ACTR3C: variants seen among roughly 807,000 people sequenced by gnomAD.
ACTR3C encodes the protein actin-related protein 3C.
A neutral mutation model predicts 26.3 loss-of-function variants in ACTR3C; 18 were observed. The ratio of observed to expected loss-of-function variants is 0.68; its 90% CI spans 0.47 to 1.01. ACTR3C has a LOEUF of 1.01. Ranked by LOEUF, ACTR3C falls within the 50% of genes least tolerant of loss-of-function variation. The pLI, the probability that ACTR3C is intolerant of heterozygous loss-of-function variation, is 0.00. For missense variants in ACTR3C, 184 were observed against 250.7 expected (o/e 0.73, Z 1.80); for synonymous variants, 55 against 94.5 (o/e 0.58, Z 2.42).
the ACTR3C span, among the ~76,000 whole-genome samples, chr7:150,182,052 G>A: frequency 1.0e-4 from 15 of 150,508 alleles, no homozygotes; most frequent in Admixed American, 8.5e-4. Flanking sequence ...TGAGAGACTG[G>A]GGTTTGTGGC....
At chr7:149,967,275 T>G in the ACTR3C span, among the ~76,000 whole-genome samples, 1 of 152,142 alleles carries the variant, frequency 6.6e-6, no homozygotes, top group Admixed American at 6.5e-5. Context: ...GACCTCGTGA[T>G]CCACCCGCCT....
chr7:150,117,811 G>A, the ACTR3C span, among the ~76,000 whole-genome samples: 1 of 152,292 alleles, frequency 6.6e-6, no homozygotes, highest in East Asian at 1.9e-4. Context: ...AGCAGAGGTC[G>A]ATAGACACCT....
the ACTR3C span, among the ~76,000 whole-genome samples, chr7:150,230,263 C>T: frequency 6.6e-6 from 1 of 152,086 alleles, no homozygotes; most frequent in Non-Finnish European, 1.5e-5. Flanking sequence ...AACAAAATTT[C>T]TAATGAAACC....
At chr7:150,083,332 G>A in the ACTR3C span, among the ~76,000 whole-genome samples, 65 of 152,038 alleles carry the variant, frequency 4.3e-4, no homozygotes, top group South Asian at 0.012. Flanking sequence ...TTGGGAGGTC[G>A]AGGAGGGACA....
chr7:150,284,654 G>A, intron 6 of ACTR3C, 99 bp downstream of exon 6: 1 of 1,016,550 alleles, frequency 9.8e-7, no homozygotes, highest in Non-Finnish European at 1.3e-6. Context: ...AGGTGAAACA[G>A]GGATATTTAC....
the ACTR3C span, among the ~76,000 whole-genome samples, chr7:149,938,295 C>T: frequency 7.2e-5 from 11 of 152,042 alleles, no homozygotes; most frequent in African/African-American, 2.2e-4. Flanking sequence ...AATGTTGTTT[C>T]ATAAAGACAG....
At chr7:150,109,040 A>G in the ACTR3C span, among the ~76,000 whole-genome samples, 1 of 152,016 alleles carries the variant, frequency 6.6e-6, no homozygotes, top group African/African-American at 2.4e-5. Flanking sequence ...TAGGCCCTAA[A>G]TTAACACCTG....
chr7:150,212,205 A>G, the ACTR3C span, among the ~76,000 whole-genome samples: 1 of 147,044 alleles, frequency 6.8e-6, no homozygotes, highest in Non-Finnish European at 1.5e-5. Flanking sequence ...TAAAATTCCA[A>G]TCACTCTATT....
At chr7:149,909,927 GA>G in the ACTR3C span, among the ~76,000 whole-genome samples, 1 of 147,360 alleles carries the variant, frequency 6.8e-6, no homozygotes, top group East Asian at 2.0e-4. Context: ...GTTTCTAGTA[GA>G]AAAAAAGAAA....
the ACTR3C span, among the ~76,000 whole-genome samples, chr7:149,985,392 C>T: frequency 8.5e-5 from 13 of 152,114 alleles, no homozygotes; most frequent in African/African-American, 2.7e-4. Context: ...GTACCCACAC[C>T]GGTGATAGGA....
chr7:149,921,236 G>A, the ACTR3C span, among the ~76,000 whole-genome samples: 3 of 151,926 alleles, frequency 2.0e-5, no homozygotes, highest in Non-Finnish European at 4.4e-5. Context: ...TCTTCAGCAG[G>A]AACACCAGCT....
At chr7:149,975,106 C>G in the ACTR3C span, among the ~76,000 whole-genome samples, 1 of 152,194 alleles carries the variant, frequency 6.6e-6, no homozygotes, top group South Asian at 2.1e-4. Context: ...CCCCCCAGTG[C>G]ACCTGAAACA....
At chr7:150,140,353 G>T in the ACTR3C span, among the ~76,000 whole-genome samples, 1 of 152,090 alleles carries the variant, frequency 6.6e-6, no homozygotes, top group African/African-American at 2.4e-5. Context: ...CTAGGCCTTT[G>T]AATTATAAAA....
chr7:150,282,813 C>T (rs1352741735), intron 6 of ACTR3C, among the ~76,000 whole-genome samples: 1 of 142,198 alleles, frequency 7.0e-6, no homozygotes, highest in Non-Finnish European at 1.5e-5. Flanking sequence ...GAGGTCGAGG[C>T]TGCAGTGAGC....
At chr7:150,136,822 C>T in the ACTR3C span, among the ~76,000 whole-genome samples, 2 of 152,322 alleles carry the variant, frequency 1.3e-5, no homozygotes, top group South Asian at 2.1e-4. Context: ...AACCAGGCCT[C>T]GTGCACTGTG....
chr7:150,139,879 T>C, the ACTR3C span, among the ~76,000 whole-genome samples: 2 of 152,138 alleles, frequency 1.3e-5, no homozygotes, highest in Non-Finnish European at 2.9e-5. Flanking sequence ...GGCAGTGATA[T>C]AATCCTAGAT....
At chr7:150,055,998 G>A in the ACTR3C span, among the ~76,000 whole-genome samples, 3 of 152,040 alleles carry the variant, frequency 2.0e-5, no homozygotes, top group Admixed American at 6.6e-5. Context: ...ATGTTAAAGC[G>A]TTCATTATAA....
At chr7:150,043,847 G>A in the ACTR3C span, among the ~76,000 whole-genome samples, 1 of 152,208 alleles carries the variant, frequency 6.6e-6, no homozygotes, top group Admixed American at 6.5e-5. Flanking sequence ...AGAGAAGCTA[G>A]TTAAGAAATC....
chr7:150,099,912 T>C, the ACTR3C span, among the ~76,000 whole-genome samples: 1 of 151,546 alleles, frequency 6.6e-6, no homozygotes, highest in African/African-American at 2.4e-5. Flanking sequence ...AGTCATAGAG[T>C]GCTGTTTGGA....
Sources: allele counts gnomAD v4.1 joint callset (sites outside exome capture counted in the v4.1 genomes callset), GRCh38; gene constraint gnomAD v4.1.1; transcripts MANE v1.5; gene names NCBI Gene and HGNC (gene_info 2026-07-23, HGNC 2026-07-21).